The following TTC39C variants were observed in gnomAD, a reference collection of about 807,000 sequenced individuals.
The protein encoded by TTC39C is tetratricopeptide repeat protein 39C.
TTC39C carries 33 observed loss-of-function variants against 76.3 expected under a neutral mutation model. The observed-to-expected ratio is 0.43, with a 90% confidence interval of 0.33 to 0.58. The LOEUF (loss-of-function observed/expected upper bound fraction) is 0.58, where lower values mean the gene tolerates loss of function less well. Ranked by LOEUF, TTC39C falls within the 20% of genes least tolerant of loss-of-function variation. The pLI is 0.04. For missense variants in TTC39C, 595 were observed against 701.4 expected, an observed-to-expected ratio of 0.85 and a Z score of 1.71; for synonymous variants, 254 against 260.6, an observed-to-expected ratio of 0.97 and a Z score of 0.24.
At chr18:24,013,958 CTT>C (rs1258304285), upstream of TTC39C, among the ~76,000 whole-genome samples, 2 of 152,252 alleles carry the variant, frequency 1.3e-5, no homozygotes, top group East Asian at 1.9e-4. Context: ...GAATTTATAA[CTT>C]TTAAATATTT....
intron 1 of TTC39C, among the ~76,000 whole-genome samples, chr18:24,023,992 A>ACG (rs1397182808): frequency 4.6e-4 from 2 of 4,332 alleles, no homozygotes; most frequent in Non-Finnish European, 5.7e-4. Context: ...ATATATATAT[A>ACG]TATATATATA....
At chr18:24,018,656 G>A (rs549799020) in intron 1 of TTC39C, among the ~76,000 whole-genome samples, 1 of 152,162 alleles carries the variant, frequency 6.6e-6, no homozygotes, top group South Asian at 2.1e-4. Flanking sequence ...TGATGCCTGA[G>A]CATTATGATG....
At chr18:24,123,763 A>G (rs2085008950) in intron 8 of TTC39C, 71 bp from the exon 9 acceptor site, 2 of 1,105,626 alleles carry the variant, frequency 1.8e-6, no homozygotes, top group African/African-American at 3.3e-5. Context: ...TTCAAGTATC[A>G]TCACTTCAGG....
intron 4 of TTC39C, 41 bp downstream of exon 4, chr18:24,069,312 T>G (rs1391193009): frequency 1.3e-6 from 2 of 1,515,102 alleles, no homozygotes; most frequent in Non-Finnish European, 1.8e-6. Context: ...CAGTATTCAG[T>G]GCACACAATT....
At chr18:24,023,985 T>C (rs868805886) in intron 1 of TTC39C, among the ~76,000 whole-genome samples, 1 of 5,890 alleles carries the variant, frequency 1.7e-4, no homozygotes, top group African/African-American at 3.1e-4. Flanking sequence ...TATATACATA[T>C]ATATATATAT....
chr18:24,134,073 TACTG>T lies in TTC39C; in HGVS notation c.*1502_*1505del, dbSNP rs912198517. 1.9e-5 allele frequency: 3 copies of T among 154,766 alleles called. No individual in the cohort carries two copies. Among genetic ancestry groups the T allele is most frequent in the East Asian group, 1.9e-4 (1 of 5,182 alleles). 9.6% of individuals were successfully genotyped at this position (154,766 alleles called of 1,614,324 possible). A position where few individuals can be genotyped will look rare whatever the true frequency, so the allele number is the denominator to read the frequency against. On this transcript the variant is annotated 3_prime_UTR_variant, in exon 14 of 14. Transcript: ENST00000317571. ...AGTATTCATATTTCTTCATCTCTGTTACTGACCACTTTTCAGTAGACTGTTTCCA... is the reference window on the plus strand; with the variant it reads ...AGTATTCATATTTCTTCATCTCTGTTACCACTTTTCAGTAGACTGTTTCCA...
rs1182625147 is a variant in TTC39C at position 24,134,257 on chromosome 18, G to GTTTTTTTTTTTTTTTTTTTTTTTTTTTT, written c.*1689_*1690insTTTTTTTTTTTTTTTTTTTTTTTTTTTT. 3 of 48,688 alleles carry GTTTTTTTTTTTTTTTTTTTTTTTTTTTT rather than the reference G, an allele frequency of 6.2e-5. 1 individual carries two copies. 3.0% of individuals were successfully genotyped at this position (48,688 alleles called of 1,614,324 possible). A position where few individuals can be genotyped will look rare whatever the true frequency, so the allele number is the denominator to read the frequency against. ...TGGTGCCCAAAAATATTGGACATCT[G>GTTTTTTTTTTTTTTTTTTTTTTTTTTTT]TTTTTTGTTTTTTTTTTTTTTTTTT... is the stretch of plus-strand genomic sequence containing the variant. On this transcript the variant is annotated 3_prime_UTR_variant, in exon 14 of 14. Transcript: ENST00000317571.
At chr18:24,062,877 T>A (rs1288222925) in intron 1 of TTC39C, among the ~76,000 whole-genome samples, 1 of 152,214 alleles carries the variant, frequency 6.6e-6, no homozygotes, top group Non-Finnish European at 1.5e-5. Context: ...TGGCCTTGCC[T>A]GCAAAAACAT....
At chr18:24,087,805 A>G (rs4043683) in intron 6 of TTC39C, among the ~76,000 whole-genome samples, 149,095 of 152,186 alleles carry the variant, frequency 0.98, 73,089 homozygotes, top group Non-Finnish European at 1. Context: ...GGCTGGTCTC[A>G]AGCTCCTGAC....
intron 1 of TTC39C, among the ~76,000 whole-genome samples, chr18:24,061,354 G>C (rs1008508926): frequency 6.6e-6 from 1 of 151,632 alleles, no homozygotes; most frequent in Admixed American, 6.6e-5. Flanking sequence ...CCTTCACATA[G>C]CATTCCCACT....
At chr18:24,106,424 C>T (rs1014599068) in intron 6 of TTC39C, among the ~76,000 whole-genome samples, 7 of 149,554 alleles carry the variant, frequency 4.7e-5, no homozygotes, top group African/African-American at 1.7e-4. Context: ...AATCAGTTAG[C>T]ACTCTCAGGG....
intron 1 of TTC39C, among the ~76,000 whole-genome samples, chr18:23,999,621 C>T (rs1468424386): frequency 2.0e-5 from 3 of 152,196 alleles, no homozygotes; most frequent in Non-Finnish European, 4.4e-5. Flanking sequence ...TGCTAGGGCC[C>T]GGGCTGCAAA....
intron 1 of TTC39C, among the ~76,000 whole-genome samples, chr18:24,034,310 G>A (rs917498637): frequency 2.6e-5 from 4 of 152,178 alleles, no homozygotes; most frequent in Non-Finnish European, 5.9e-5. Context: ...AAGAGGGCAC[G>A]CCCTGCTCAA....
chr18:24,094,597 G>A (rs2084566110), intron 6 of TTC39C, among the ~76,000 whole-genome samples: 1 of 152,216 alleles, frequency 6.6e-6, no homozygotes, highest in South Asian at 2.1e-4. Flanking sequence ...TGGATGTTGT[G>A]TTAACAGACA....
At chr18:24,117,728 A>G (rs2084914062) in intron 7 of TTC39C, among the ~76,000 whole-genome samples, 1 of 150,970 alleles carries the variant, frequency 6.6e-6, no homozygotes, top group Non-Finnish European at 1.5e-5. Flanking sequence ...AAAAAAAAAG[A>G]ATGAGTGGTA....
At chr18:24,053,875 C>A (rs1222463352) in intron 1 of TTC39C, among the ~76,000 whole-genome samples, 2 of 152,094 alleles carry the variant, frequency 1.3e-5, no homozygotes, top group Non-Finnish European at 2.9e-5. Flanking sequence ...TATTATAAAA[C>A]CCTTTTTGAT....
chr18:24,025,357 T>TA (rs2083586855), intron 1 of TTC39C, among the ~76,000 whole-genome samples: 1 of 152,222 alleles, frequency 6.6e-6, no homozygotes, highest in East Asian at 1.9e-4. Context: ...CCCTATTAAA[T>TA]ATTGGCAGGT....
intron 1 of TTC39C, among the ~76,000 whole-genome samples, chr18:24,063,459 GAAT>G (rs1432534658): frequency 4.0e-5 from 6 of 150,964 alleles, no homozygotes; most frequent in African/African-American, 7.3e-5. Context: ...TTTTAAAAAT[GAAT>G]AATAACTGTC....
intron 8 of TTC39C, among the ~76,000 whole-genome samples, chr18:24,120,340 C>T (rs1465271857): frequency 6.6e-6 from 1 of 152,088 alleles, no homozygotes; most frequent in African/African-American, 2.4e-5. Context: ...CAGAGTGAGA[C>T]TCTGTCTCAA....
Sources: gnomAD v4.1 joint callset for allele counts (sites outside exome capture counted in the v4.1 genomes callset) on GRCh38, gnomAD v4.1.1 for gene constraint, MANE v1.5 for transcripts, NCBI Gene and HGNC (gene_info 2026-07-23, HGNC 2026-07-21) for gene names.